The following PLXNA4 variants were observed in gnomAD, a reference collection of about 807,000 sequenced individuals.
The protein encoded by PLXNA4 is plexin-A4.
In PLXNA4, 44 loss-of-function variants were observed where a neutral mutation model predicts 191.8. That is an observed-to-expected ratio of 0.23 (90% confidence interval 0.18 to 0.29). The LOEUF (loss-of-function observed/expected upper bound fraction) is 0.29, where lower values mean the gene tolerates loss of function less well. Ranked by LOEUF, PLXNA4 falls within the 10% of genes least tolerant of loss-of-function variation. The pLI is 1.00. For missense variants in PLXNA4, 1,800 were observed against 2,488.8 expected, an observed-to-expected ratio of 0.72 and a Z score of 5.89; for synonymous variants, 1,082 against 1,009.5, an observed-to-expected ratio of 1.07 and a Z score of -1.36.
chr7:132,603,249 G>GGA (rs1554476527), intron 2 of PLXNA4, among the ~76,000 whole-genome samples: 5 of 150,984 alleles, frequency 3.3e-5, no homozygotes, highest in African/African-American at 1.2e-4. Flanking sequence ...TCTCTTTATT[G>GGA]AAAAAAAAAT....
At chr7:132,313,292 A>T (rs1801818310) in intron 3 of PLXNA4, among the ~76,000 whole-genome samples, 1 of 152,172 alleles carries the variant, frequency 6.6e-6, no homozygotes, top group Non-Finnish European at 1.5e-5. Flanking sequence ...TGGGAGTCTG[A>T]GACTGGTTTT....
chr7:132,506,993 G>A (rs1184976647), intron 2 of PLXNA4, among the ~76,000 whole-genome samples: 2 of 152,094 alleles, frequency 1.3e-5, no homozygotes, highest in South Asian at 2.1e-4. Flanking sequence ...ACATACAAAG[G>A]GCTAAAAACA....
intron 2 of PLXNA4, among the ~76,000 whole-genome samples, chr7:132,628,486 C>T (rs1038704779): frequency 3.3e-5 from 5 of 151,950 alleles, no homozygotes; most frequent in Admixed American, 3.3e-4. Context: ...TTCAACAGAT[C>T]ATTTTAGTCT....
At chr7:132,549,612 T>C (rs1310056365) in intron 1 of PLXNA4, among the ~76,000 whole-genome samples, 1 of 152,204 alleles carries the variant, frequency 6.6e-6, no homozygotes, top group African/African-American at 2.4e-5. Flanking sequence ...GGGGGCAGAT[T>C]TCCGTGCTTC....
At chr7:132,268,204 T>C (rs1799928060) in intron 4 of PLXNA4, among the ~76,000 whole-genome samples, 1 of 152,174 alleles carries the variant, frequency 6.6e-6, no homozygotes, top group Admixed American at 6.5e-5. Context: ...GTGGCTGGCA[T>C]AGAGCTCCCT....
At chr7:132,310,962 T>G (rs1427868458) in intron 3 of PLXNA4, among the ~76,000 whole-genome samples, 1 of 152,208 alleles carries the variant, frequency 6.6e-6, no homozygotes. Flanking sequence ...CCTTTCTCCA[T>G]TCACTCCTCA....
intron 9 of PLXNA4, among the ~76,000 whole-genome samples, chr7:132,213,971 C>G (rs1797883508): frequency 6.6e-6 from 1 of 152,194 alleles, no homozygotes; most frequent in Non-Finnish European, 1.5e-5. Flanking sequence ...TGGACCCCAT[C>G]TATTTTGCAA....
chr7:132,277,231 A>G (rs907818711), intron 4 of PLXNA4, among the ~76,000 whole-genome samples: 4 of 152,186 alleles, frequency 2.6e-5, no homozygotes, highest in Admixed American at 2.6e-4. Context: ...GGGAAGCTGG[A>G]TCTCAGGAGT....
chr7:132,429,239 T>C (rs752972431), intron 3 of PLXNA4, among the ~76,000 whole-genome samples: 3 of 152,194 alleles, frequency 2.0e-5, no homozygotes, highest in Non-Finnish European at 4.4e-5. Context: ...ACTTTGTCCA[T>C]GTGCAGGCTC....
chr7:132,268,948 G>A (rs1445069895), intron 4 of PLXNA4, among the ~76,000 whole-genome samples: 1 of 152,202 alleles, frequency 6.6e-6, no homozygotes, highest in Non-Finnish European at 1.5e-5. Flanking sequence ...GCTGGTGAAA[G>A]TCTCAGTTGG....
Position 132,226,217 on chromosome 7 carries a change from G to C in PLXNA4, c.1926C>G (p.Thr642=), listed in dbSNP as rs759080529. 1.2e-5 allele frequency: 19 copies of C among 1,613,786 alleles called. No individual in the cohort carries two copies. Among genetic ancestry groups the C allele is most frequent in the Non-Finnish European group, 1.4e-5 (17 of 1,179,962 alleles). Reference sequence around the variant, plus strand: ...AGCTGGTGCTGGCGAAGGTCATGCCGGTCTCCTTTGATTTGAGCTGAAGCT... The same window carrying C: ...AGCTGGTGCTGGCGAAGGTCATGCCCGTCTCCTTTGATTTGAGCTGAAGCT... ...VVQLQLKSKE[T]GMTFASTSFV... The change falls in exon 8 of 32, where the codon ACC becomes ACG. Residue 642 remains threonine (T), a synonymous_variant. Transcript: ENST00000321063.
chr7:132,179,296 CACATACACAT>C (rs1796612566), intron 20 of PLXNA4, among the ~76,000 whole-genome samples: 1 of 149,472 alleles, frequency 6.7e-6, no homozygotes, highest in Non-Finnish European at 1.5e-5. Flanking sequence ...GTAAATGGAA[CACATACACAT>C]ACATACACAC....
rs553179178 is a variant in PLXNA4, at chr7:132,140,941, C to T, written c.5226-130G>A. On this transcript the variant is annotated intron_variant, in intron 29 of 31. Coordinates refer to ENST00000321063, the MANE Select transcript of PLXNA4 (RefSeq NM_020911.2). ...GAACTTAAGAGCCTTCTCTATGCTG[C>T]GGATGGGATGTGCCAGGGAAGGGAG... The T allele has an allele frequency of 9.1e-5, 132 of 1,444,018 alleles. No homozygotes were observed. In the Middle Eastern group the frequency reaches 1.3e-3, roughly 14 times the overall value. 89.5% of individuals were successfully genotyped at this position (1,444,018 alleles called of 1,614,324 possible).
intron 3 of PLXNA4, among the ~76,000 whole-genome samples, chr7:132,334,331 C>A (rs952034095): frequency 3.5e-5 from 5 of 144,502 alleles, no homozygotes; most frequent in African/African-American, 1.3e-4. Flanking sequence ...AGTCGCAGCT[C>A]ACTGCAGCCT....
At chr7:132,281,775 A>T (rs1364437626) in intron 4 of PLXNA4, among the ~76,000 whole-genome samples, 2 of 152,234 alleles carry the variant, frequency 1.3e-5, no homozygotes, top group African/African-American at 4.8e-5. Flanking sequence ...AAAGGTCAGC[A>T]AATGTGGAAC....
chr7:132,482,881 C>T (rs1424591934), intron 3 of PLXNA4, among the ~76,000 whole-genome samples: 1 of 151,988 alleles, frequency 6.6e-6, no homozygotes, highest in Non-Finnish European at 1.5e-5. Flanking sequence ...TTAGTAAAGG[C>T]AGGGTTTTAC....
chr7:132,346,053 C>T (rs954662604), intron 3 of PLXNA4, among the ~76,000 whole-genome samples: 1 of 152,176 alleles, frequency 6.6e-6, no homozygotes, highest in African/African-American at 2.4e-5. Context: ...CTTCAAATGA[C>T]CTTCTCTCTG....
chr7:132,501,706 G>A (rs1441571615), intron 2 of PLXNA4, among the ~76,000 whole-genome samples: 1 of 152,192 alleles, frequency 6.6e-6, no homozygotes, highest in African/African-American at 2.4e-5. Context: ...ACCTGAGACA[G>A]GTGCCATCTC....
intron 12 of PLXNA4, among the ~76,000 whole-genome samples, chr7:132,200,789 A>G (rs1411621348): frequency 2.0e-5 from 3 of 152,234 alleles, no homozygotes; most frequent in Non-Finnish European, 4.4e-5. Flanking sequence ...GGAGGAGAAC[A>G]ATAACCTAGG....
Sources: allele counts gnomAD v4.1 joint callset (sites outside exome capture counted in the v4.1 genomes callset), GRCh38; gene constraint gnomAD v4.1.1; transcripts MANE v1.5; gene names NCBI Gene and HGNC (gene_info 2026-07-23, HGNC 2026-07-21).